Variants in AS3MT observed in about 807,000 individuals in gnomAD.
AS3MT encodes S-adenosyl-L-methionine:arsenic(III) methyltransferase.
In AS3MT, 47 loss-of-function variants were observed where a neutral mutation model predicts 45.3. The ratio of observed to expected loss-of-function variants is 1.04; its 90% CI spans 0.82 to 1.32. The LOEUF (loss-of-function observed/expected upper bound fraction) is 1.32, where lower values mean the gene tolerates loss of function less well. Ranked by LOEUF, AS3MT falls within the 40% of genes most tolerant of loss-of-function variation. The pLI, the probability that AS3MT is intolerant of heterozygous loss-of-function variation, is 0.00. For synonymous variants in AS3MT, 141 were observed against 152.8 expected (o/e 0.92, Z 0.57); for missense variants, 396 against 451.1 (o/e 0.88, Z 1.11).
chr10:102,881,232 C>T lies in AS3MT; in HGVS notation c.885+2241C>T, dbSNP rs1197695325. On this transcript the variant is annotated intron_variant, in intron 9 of 10. Coordinates refer to ENST00000369880, the MANE Select transcript of AS3MT (RefSeq NM_020682.4). The surrounding 1 kb of genome is among the most constrained non-coding windows in gnomAD (Gnocchi z 4.2). The stretch of plus-strand genomic sequence containing the variant: ...GGTCACAGAACTTTAAGTCACAAGA[C>T]AGAAAAGAAATCGATTCTGCTTTGG... 6.6e-6 allele frequency among the ~76,000 whole-genome samples: 1 copy of T among 152,062 alleles called. No homozygotes were observed. The highest frequency in any genetic ancestry group is 2.4e-5 in the African/African-American group (1 of 41,392).
chr10:102,887,958 A>AT, intron 9 of AS3MT: 1 of 155,962 alleles, frequency 6.4e-6, no homozygotes. Flanking sequence ...TTCTTCAAAT[A>AT]TTTTTTGGTG....
chr10:102,895,456 C>T (rs1267370169), intron 10 of AS3MT, among the ~76,000 whole-genome samples: 1 of 152,142 alleles, frequency 6.6e-6, no homozygotes, highest in Non-Finnish European at 1.5e-5. Flanking sequence ...CAGCCTCGGC[C>T]TCCCAAAGTG....
At chr10:102,884,466 T>G (rs1754380850) in intron 9 of AS3MT, among the ~76,000 whole-genome samples, 1 of 144,146 alleles carries the variant, frequency 6.9e-6, no homozygotes, top group African/African-American at 2.5e-5. Flanking sequence ...GAGTTCAACT[T>G]TTTGAAATTC....
At chr10:102,886,220 AG>A (rs1484881785) in intron 9 of AS3MT, among the ~76,000 whole-genome samples, 2 of 151,414 alleles carry the variant, frequency 1.3e-5, no homozygotes, top group Non-Finnish European at 2.9e-5. Context: ...TTGCTTTTAT[AG>A]TTCCCTCATG....
chr10:102,872,378 T>C, intron 3 of AS3MT, 70 bp from the exon 4 acceptor site: 2 of 1,496,286 alleles, frequency 1.3e-6, no homozygotes, highest in African/African-American at 1.4e-5. Flanking sequence ...AGGAGGGAAG[T>C]ATGTATAAGA....
At chr10:102,879,143 A>G in intron 9 of AS3MT, 152 bp downstream of exon 9, 1 of 884,228 alleles carries the variant, frequency 1.1e-6, no homozygotes, top group Non-Finnish European at 1.7e-6. Context: ...CAAGTGGAGT[A>G]AAAAAGCATT....
In AS3MT at chr10:102,877,814, G is replaced by A. The variant is rs375958973; in HGVS notation, c.611-565G>A. Among the ~76,000 whole-genome samples the A allele has an allele frequency of 2.1e-3, 304 of 145,308 alleles. 9 individuals carry two copies. In the South Asian group the frequency reaches 0.059, roughly 28 times the overall value. The stretch of plus-strand genomic sequence containing the variant: ...GTCACCCAGGCTAGAGTGCAGTGGC[G>A]CAATCTTGGCTCACTGCAACCTCCA... On this transcript the variant is annotated intron_variant, in intron 7 of 10. Coordinates refer to ENST00000369880, the MANE Select transcript of AS3MT (RefSeq NM_020682.4).
At chr10:102,889,080 C>T (rs1025714797) in intron 9 of AS3MT, among the ~76,000 whole-genome samples, 7 of 151,374 alleles carry the variant, frequency 4.6e-5, no homozygotes, top group Admixed American at 1.3e-4. Context: ...TTAGTAGAGA[C>T]GGGGTTTTAC....
At position 102,874,257 on chromosome 10, in the gene AS3MT, A is replaced by G. The variant is rs17881367; in HGVS notation, c.459-335A>G. On this transcript the variant is annotated intron_variant, in intron 5 of 10. Transcript: ENST00000369880. ...AACAGGAGTGAAACATCCTCTCGGG[A>G]AAAAAAAAAAAAGAAAGAAATGCCT... Among the ~76,000 whole-genome samples, 658 of 130,790 alleles carry G rather than the reference A, an allele frequency of 5.0e-3. 19 individuals are homozygous for G. The East Asian group carries it at 0.073, about 14-fold the overall frequency. 85.8% of individuals were successfully genotyped at this position (130,790 alleles called of 152,430 possible).
chr10:102,872,065 A>G (rs982205850), intron 3 of AS3MT, among the ~76,000 whole-genome samples: 1 of 151,936 alleles, frequency 6.6e-6, no homozygotes, highest in Non-Finnish European at 1.5e-5. Flanking sequence ...TGGTATTTTT[A>G]GTAGAGACAG....
intron 9 of AS3MT, among the ~76,000 whole-genome samples, chr10:102,886,665 C>T (rs186708474): frequency 6.6e-6 from 1 of 152,154 alleles, no homozygotes; most frequent in East Asian, 1.9e-4. Flanking sequence ...ACTCTGTCAC[C>T]TGGACTGGAG....
At position 102,900,638 on chromosome 10, in the gene AS3MT, A is replaced by G; in HGVS notation, c.1066A>G (p.Met356Val). 2 of 1,614,204 alleles carry G rather than the reference A, an allele frequency of 1.2e-6. No individual in the cohort carries two copies. The highest frequency in any genetic ancestry group is 1.3e-5 in the African/African-American group (1 of 75,066). The change falls in exon 11 of 11, where the codon ATG becomes GTG. Residue 356 changes from methionine (M) to valine (V), a missense_variant. Physicochemically the swap from Met to Val is conservative, Grantham distance 21. Transcript: ENST00000369880. Reference sequence around the variant, plus strand: ...TAAGCTTGCAGAAGAGTCTGACAGTATGAAGTCCAGATGTGTCCCTGATGC... The same window carrying G: ...TAAGCTTGCAGAAGAGTCTGACAGTGTGAAGTCCAGATGTGTCCCTGATGC... ...PFKLAEESDSMKSRCVPDAAG... is the reference protein window; with the variant it reads ...PFKLAEESDSVKSRCVPDAAG...
intron 3 of AS3MT, among the ~76,000 whole-genome samples, chr10:102,871,165 A>G (rs1459669971): frequency 6.6e-6 from 1 of 152,030 alleles, no homozygotes; most frequent in African/African-American, 2.4e-5. Flanking sequence ...AATCACTTGA[A>G]CGTGGAAGGC....
chr10:102,879,896 A>G (rs186248084), intron 9 of AS3MT, among the ~76,000 whole-genome samples: 13 of 64,840 alleles, frequency 2.0e-4, no homozygotes, highest in South Asian at 6.2e-4. Flanking sequence ...TTATATGTGT[A>G]TATATATATA....
chr10:102,884,416 C>T (rs924368449), intron 9 of AS3MT, among the ~76,000 whole-genome samples: 8 of 136,632 alleles, frequency 5.9e-5, no homozygotes, highest in African/African-American at 2.1e-4. Context: ...CCACCCCCTA[C>T]CCCCAGCCCC....
At chr10:102,871,322 G>GGA (rs1216708750) in intron 3 of AS3MT, among the ~76,000 whole-genome samples, 22 of 152,010 alleles carry the variant, frequency 1.4e-4, no homozygotes, top group Admixed American at 1.2e-3. Flanking sequence ...CGAGGCGGGA[G>GGA]GATCACGAGG....
chr10:102,901,134 CA>C lies in AS3MT; in HGVS notation c.*437del, dbSNP rs1480466850. ...AAAGAAAGAAAGAAAAAGAAAACAACAAATGGCAGAGAGCCACCATATTCCA... is the reference window on the plus strand; with the variant it reads ...AAAGAAAGAAAGAAAAAGAAAACAACAATGGCAGAGAGCCACCATATTCCA... On this transcript the variant is annotated 3_prime_UTR_variant, in exon 11 of 11. Transcript: ENST00000369880. 5 of 141,312 alleles carry C rather than the reference CA, an allele frequency of 3.5e-5. No individual in the cohort carries two copies. Among genetic ancestry groups the C allele is most frequent in the Non-Finnish European group, 6.2e-5 (4 of 64,098 alleles). 8.8% of individuals were successfully genotyped at this position (141,312 alleles called of 1,614,324 possible). A position where few individuals can be genotyped will look rare whatever the true frequency, so the allele number is the denominator to read the frequency against.
chr10:102,879,996 A>T (rs1354899987), intron 9 of AS3MT, among the ~76,000 whole-genome samples: 2 of 152,124 alleles, frequency 1.3e-5, no homozygotes, highest in Non-Finnish European at 2.9e-5. Context: ...ATAGGAATGT[A>T]ATATCCCTCT....
intron 3 of AS3MT, 106 bp from the exon 4 acceptor site, chr10:102,872,342 G>T: frequency 8.3e-7 from 1 of 1,204,644 alleles, no homozygotes; most frequent in Non-Finnish European, 1.2e-6. Flanking sequence ...AAGAAGGAAG[G>T]AAGGAAGGAA....
Sources: allele counts gnomAD v4.1 joint callset (sites outside exome capture counted in the v4.1 genomes callset), GRCh38; gene constraint gnomAD v4.1.1; non-coding constraint Gnocchi (gnomAD v3.1); transcripts MANE v1.5; gene names NCBI Gene and HGNC (gene_info 2026-07-23, HGNC 2026-07-21).